Variants in C1orf105 observed in about 807,000 individuals in gnomAD.
C1orf105 encodes uncharacterized protein C1orf105.
A neutral mutation model predicts 20.8 loss-of-function variants in C1orf105; 17 were observed. The ratio of observed to expected loss-of-function variants is 0.82; its 90% CI spans 0.56 to 1.23. C1orf105 has a LOEUF of 1.23. C1orf105 is among the 50% of genes most tolerant of loss of function. The probability of loss-of-function intolerance (pLI) is 0.00; values close to 1 mark genes in which losing one functional copy is unlikely to be tolerated. For missense variants in C1orf105, 219 were observed against 213.5 expected, an observed-to-expected ratio of 1.03 and a Z score of -0.16; for synonymous variants, 72 against 72.1, an observed-to-expected ratio of 1.00 and a Z score of 0.01.
At chr1:172,441,075 A>C (rs1432957491) in intron 1 of C1orf105, among the ~76,000 whole-genome samples, 1 of 152,186 alleles carries the variant, frequency 6.6e-6, no homozygotes, top group African/African-American at 2.4e-5. Context: ...CTTAAATGTC[A>C]CCGCCTCTCT....
At chr1:172,448,552 A>C (rs901159416) in intron 3 of C1orf105, 21 bp downstream of exon 3, 1 of 1,405,302 alleles carries the variant, frequency 7.1e-7, no homozygotes, top group Non-Finnish European at 1.0e-6. Flanking sequence ...ATTTTTGTTG[A>C]AATGAAACCA....
At position 172,441,381 on chromosome 1, in the gene C1orf105, A is replaced by G. The variant is rs1049371596; in HGVS notation, c.22-3692A>G. The G allele has an allele frequency of 1.2e-4, 21 of 172,024 alleles. 1 individual carries two copies. The highest frequency in any genetic ancestry group is 2.1e-4 in the Non-Finnish European group (17 of 82,578). The allele number at this position is 172,024 out of a possible 1,614,324, so 10.7% of individuals were successfully genotyped here. ...CACACACACACACACACACACACAC[A>G]CACACACACACTTACTTCACTCTTC... On this transcript the variant is annotated intron_variant, in intron 1 of 6. Coordinates refer to ENST00000367727, the MANE Select transcript of C1orf105 (RefSeq NM_139240.4).
intron 3 of C1orf105, among the ~76,000 whole-genome samples, chr1:172,455,943 GA>G (rs2149185518): frequency 6.6e-6 from 1 of 152,182 alleles, no homozygotes; most frequent in African/African-American, 2.4e-5. Context: ...AAAGGCCCGT[GA>G]AAAAAAGATT....
chr1:172,457,205 G>A lies in C1orf105; in HGVS notation c.273+716G>A, dbSNP rs528499064. On this transcript the variant is annotated intron_variant, in intron 4 of 6. Coordinates refer to ENST00000367727, the MANE Select transcript of C1orf105 (RefSeq NM_139240.4). The stretch of plus-strand genomic sequence containing the variant: ...AGTTAGCGCTGGGATGGTTGTTAGC[G>A]TCAGGGTAAGGAAGAGGCTTTGGTT... 1.6e-4 allele frequency among the ~76,000 whole-genome samples: 25 copies of A among 152,294 alleles called. 1 individual carries two copies. Among genetic ancestry groups the A allele is most frequent in the South Asian group, 1.2e-3 (6 of 4,830 alleles).
chr1:172,459,511 G>C (rs763580624), intron 4 of C1orf105, among the ~76,000 whole-genome samples: 15 of 152,088 alleles, frequency 9.9e-5, no homozygotes, highest in Non-Finnish European at 2.9e-5. Context: ...CATCCACTAG[G>C]ATGGTTGTAA....
chr1:172,441,836 A>G (rs199890420), intron 1 of C1orf105: 2 of 1,614,130 alleles, frequency 1.2e-6, no homozygotes, highest in Non-Finnish European at 1.7e-6. Context: ...GGACACAGAC[A>G]TGAGATAGAC....
At chr1:172,466,600 ACACACACACACACAC>A (rs2149197089) in intron 6 of C1orf105, among the ~76,000 whole-genome samples, 1 of 141,770 alleles carries the variant, frequency 7.1e-6, no homozygotes, top group Non-Finnish European at 1.6e-5. Context: ...ACACACACAC[ACACACACACACACAC>A]AATCACACAC....
intron 1 of C1orf105, among the ~76,000 whole-genome samples, chr1:172,439,107 GGAACC>G (rs2072133465): frequency 6.6e-6 from 1 of 152,142 alleles, no homozygotes; most frequent in African/African-American, 2.4e-5. Context: ...GTAGTGGTCT[GGAACC>G]GAACCTCAGT....
chr1:172,437,108 G>A (rs761452591), intron 1 of C1orf105, among the ~76,000 whole-genome samples: 1 of 152,166 alleles, frequency 6.6e-6, no homozygotes, highest in Non-Finnish European at 1.5e-5. Flanking sequence ...GAGAGGATGT[G>A]GAGAAATAAC....
chr1:172,431,323 A>T (rs2071867614), intron 1 of C1orf105: 1 of 399,212 alleles, frequency 2.5e-6, no homozygotes, highest in South Asian at 8.7e-5. Context: ...AAAGAGCCTT[A>T]CTGTTAATAC....
chr1:172,439,707 C>T (rs1001732597), intron 1 of C1orf105, among the ~76,000 whole-genome samples: 1 of 152,052 alleles, frequency 6.6e-6, no homozygotes, highest in South Asian at 2.1e-4. Context: ...ACGTTTGCTA[C>T]CTGAGTTCCC....
chr1:172,444,072 C>T, intron 1 of C1orf105: 6 of 998,374 alleles, frequency 6.0e-6, no homozygotes, highest in East Asian at 1.1e-4. Flanking sequence ...GCGACTGTGG[C>T]CAAGCACTTC....
chr1:172,436,184 C>T (rs1010596396), intron 1 of C1orf105, among the ~76,000 whole-genome samples: 2 of 152,122 alleles, frequency 1.3e-5, no homozygotes, highest in Middle Eastern at 3.2e-3. Context: ...TTTATAGATT[C>T]AATGCCATCT....
chr1:172,444,988 C>A, intron 1 of C1orf105, 85 bp from the exon 2 acceptor site: 1 of 1,049,824 alleles, frequency 9.5e-7, no homozygotes, highest in Non-Finnish European at 1.4e-6. Flanking sequence ...CACTATATGG[C>A]TGCTATTAGC....
intron 4 of C1orf105, among the ~76,000 whole-genome samples, chr1:172,461,833 A>G (rs188490453): frequency 2.0e-4 from 30 of 152,338 alleles, no homozygotes; most frequent in Non-Finnish European, 3.8e-4. Context: ...CTAAGAACAT[A>G]GAGCGGAGGA....
intron 1 of C1orf105, chr1:172,442,383 C>T: frequency 6.2e-7 from 1 of 1,613,530 alleles, no homozygotes; most frequent in Non-Finnish European, 8.5e-7. Context: ...AATGGGGGGC[C>T]AGAAGACCCT....
At chr1:172,441,326 T>C (rs925634432) in intron 1 of C1orf105, 2 of 156,276 alleles carry the variant, frequency 1.3e-5, no homozygotes, top group African/African-American at 4.9e-5. Flanking sequence ...CATTAGCACA[T>C]TGAAAAGGGT....
Position 172,448,511 on chromosome 1 carries a change from G to T in C1orf105, c.178G>T (p.Val60Phe). 1.2e-6 allele frequency: 2 copies of T among 1,611,292 alleles called. No individual in the cohort carries two copies. The highest frequency in any genetic ancestry group is 2.2e-5 in the South Asian group (2 of 90,784). ...TATGAATTTGCCAATTTTGTTTCAA[G>T]TTCCAGATGTTTTATCTAAGGTACT... ...KNMNLPILFQVPDVLSKARRN... is the reference protein window; with the variant it reads ...KNMNLPILFQFPDVLSKARRN... Residue 60 changes from valine to phenylalanine, a missense_variant, in exon 3 of 7, where the codon GTT (valine) becomes TTT (phenylalanine). By Grantham distance (50) the Val-to-Phe change is conservative. Coordinates refer to ENST00000367727, the MANE Select transcript of C1orf105 (RefSeq NM_139240.4).
chr1:172,432,246 C>T (rs749903899), intron 1 of C1orf105, among the ~76,000 whole-genome samples: 5 of 152,190 alleles, frequency 3.3e-5, no homozygotes, highest in Non-Finnish European at 7.3e-5. Flanking sequence ...GTGGTTCTCC[C>T]AGCACAGCAT....
Sources: gnomAD v4.1 joint callset for allele counts (sites outside exome capture counted in the v4.1 genomes callset) on GRCh38, gnomAD v4.1.1 for gene constraint, MANE v1.5 for transcripts, NCBI Gene and HGNC (gene_info 2026-07-23, HGNC 2026-07-21) for gene names.